EXOC4: variants seen among roughly 807,000 people sequenced by gnomAD.
EXOC4 encodes the protein exocyst complex component 4.
In EXOC4, 71 loss-of-function variants were observed where a neutral mutation model predicts 107.2. The observed-to-expected ratio is 0.66, with a 90% CI of 0.55 to 0.81. The LOEUF (loss-of-function observed/expected upper bound fraction) is 0.81, where lower values mean the gene tolerates loss of function less well. EXOC4 is among the 30% of genes least tolerant of loss of function. The pLI is 0.00. For missense variants in EXOC4, 1,108 were observed against 1,189.6 expected, an observed-to-expected ratio of 0.93 and a Z score of 1.01; for synonymous variants, 456 against 441.2, an observed-to-expected ratio of 1.03 and a Z score of -0.42.
the EXOC4 span, among the ~76,000 whole-genome samples, chr7:134,094,317 A>C: frequency 6.6e-6 from 1 of 152,218 alleles, no homozygotes; most frequent in African/African-American, 2.4e-5. Context: ...ATCTGAAGGA[A>C]ATGCATAAAT....
chr7:133,949,802 AT>A (rs752083162), intron 14 of EXOC4, among the ~76,000 whole-genome samples: 6 of 152,180 alleles, frequency 3.9e-5, no homozygotes, highest in Non-Finnish European at 8.8e-5. Context: ...CTTCTTCAGA[AT>A]TGGATTTTAT....
chr7:133,923,326 A>G (rs1799981107), intron 13 of EXOC4, among the ~76,000 whole-genome samples: 1 of 151,894 alleles, frequency 6.6e-6, no homozygotes, highest in South Asian at 2.1e-4. Flanking sequence ...ACAGGGTTTC[A>G]CCATATTGGC....
chr7:133,846,162 G>T (rs1444929107), intron 11 of EXOC4, among the ~76,000 whole-genome samples: 1 of 152,172 alleles, frequency 6.6e-6, no homozygotes, highest in African/African-American at 2.4e-5. Flanking sequence ...AAAAGATCCT[G>T]CAAGAAGCAA....
chr7:133,862,568 T>C lies in EXOC4; in HGVS notation c.1735-33031T>C, dbSNP rs559896020. ...TTTGGGGTTTGATTGATTGATTGAC[T>C]GACTAAAGTACTAGTTACAACAGAA... On this transcript the variant is annotated intron_variant, in intron 11 of 17. Coordinates refer to ENST00000253861, the MANE Select transcript of EXOC4 (RefSeq NM_021807.4). Among the ~76,000 whole-genome samples the C allele has an allele frequency of 6.5e-4, 99 of 152,260 alleles. No homozygotes were observed. The South Asian group carries it at 9.3e-3, about 14-fold the overall frequency.
chr7:133,714,563 G>T (rs551804088), intron 10 of EXOC4, among the ~76,000 whole-genome samples: 2 of 152,200 alleles, frequency 1.3e-5, no homozygotes, highest in East Asian at 1.9e-4. Flanking sequence ...CCATATTCCT[G>T]GGTTTTGCAT....
At chr7:133,622,109 G>A (rs11766492) in intron 9 of EXOC4, among the ~76,000 whole-genome samples, 59,736 of 151,864 alleles carry the variant, frequency 0.39, 12,111 homozygotes, top group South Asian at 0.52. Context: ...CAAGTACCTG[G>A]AACTACAGTT....
chr7:134,043,351 A>T (rs1795568379), intron 17 of EXOC4, among the ~76,000 whole-genome samples: 1 of 152,162 alleles, frequency 6.6e-6, no homozygotes, highest in African/African-American at 2.4e-5. Context: ...TTTTTCCCCC[A>T]AGCAACTATT....
chr7:133,484,071 A>T, intron 9 of EXOC4: 1 of 1,614,016 alleles, frequency 6.2e-7, no homozygotes, highest in Non-Finnish European at 8.5e-7. Flanking sequence ...CAGAAAGACA[A>T]TCAAAGTAAC....
intron 7 of EXOC4, among the ~76,000 whole-genome samples, chr7:133,455,652 C>G (rs1798446833): frequency 6.6e-6 from 1 of 152,126 alleles, no homozygotes; most frequent in Non-Finnish European, 1.5e-5. Flanking sequence ...GTAGGATGAA[C>G]CAATATCATG....
At chr7:133,460,717 A>G (rs1205687958) in intron 7 of EXOC4, among the ~76,000 whole-genome samples, 3 of 152,168 alleles carry the variant, frequency 2.0e-5, no homozygotes, top group South Asian at 2.1e-4. Context: ...CATCACCTTC[A>G]GACAGAAGAA....
At chr7:134,005,508 A>C (rs1188215573) in intron 16 of EXOC4, among the ~76,000 whole-genome samples, 6 of 152,216 alleles carry the variant, frequency 3.9e-5, no homozygotes, top group Non-Finnish European at 8.8e-5. Flanking sequence ...TGTTATAATC[A>C]TCTGGAAAGA....
At chr7:133,529,711 G>A (rs1800145915) in intron 9 of EXOC4, among the ~76,000 whole-genome samples, 1 of 152,064 alleles carries the variant, frequency 6.6e-6, no homozygotes. Context: ...TTTTTATGTG[G>A]CATCGTTGTC....
At position 133,401,705 on chromosome 7, in the gene EXOC4, G is replaced by T. The variant is rs536403228; in HGVS notation, c.1182+26703G>T. 1.9e-4 allele frequency among the ~76,000 whole-genome samples: 29 copies of T among 150,242 alleles called. No individual in the cohort carries two copies. In the South Asian group the frequency reaches 5.9e-3, roughly 31 times the overall value. ...TCATCACTCTGAATCTTTTCATTGA[G>T]AATTTTTTTTAATAGCCTAAGATGC... is the stretch of plus-strand genomic sequence containing the variant. On this transcript the variant is annotated intron_variant, in intron 7 of 17. Transcript: ENST00000253861.
intron 11 of EXOC4, chr7:133,895,290 C>A: frequency 4.8e-6 from 1 of 208,394 alleles, no homozygotes; most frequent in Non-Finnish European, 9.7e-6. Context: ...CTTCGGCTCG[C>A]GCACGGTGCG....
rs143112147 is a variant in EXOC4, at chr7:133,596,910, C to A, written c.1418-33135C>A. 1.9e-3 allele frequency among the ~76,000 whole-genome samples: 282 copies of A among 152,268 alleles called. 1 individual carries two copies. Among genetic ancestry groups the A allele is most frequent in the African/African-American group, 6.3e-3 (260 of 41,554 alleles). ...CTATTTATGGCCAAGGACTTCGGGTCGGCCTCCCATGAAGCATCCAGCTAT... is the reference window on the plus strand; with the variant it reads ...CTATTTATGGCCAAGGACTTCGGGTAGGCCTCCCATGAAGCATCCAGCTAT... On this transcript the variant is annotated intron_variant, in intron 9 of 17. Transcript: ENST00000253861.
intron 17 of EXOC4, among the ~76,000 whole-genome samples, chr7:134,012,806 G>A (rs917869733): frequency 5.3e-5 from 8 of 152,180 alleles, no homozygotes; most frequent in African/African-American, 1.7e-4. Context: ...GAGTGCTAGC[G>A]AAGAACCAGC....
At chr7:133,720,170 T>G (rs1795079141) in intron 10 of EXOC4, among the ~76,000 whole-genome samples, 2 of 152,190 alleles carry the variant, frequency 1.3e-5, no homozygotes, top group Admixed American at 1.3e-4. Flanking sequence ...AGCGTGGGGT[T>G]CTGGGAGAGT....
intron 12 of EXOC4, among the ~76,000 whole-genome samples, chr7:133,910,046 C>T (rs1208734605): frequency 6.6e-6 from 1 of 151,174 alleles, no homozygotes; most frequent in Non-Finnish European, 1.5e-5. Context: ...GCCTCAACCT[C>T]CCAAGTAACT....
intron 13 of EXOC4, among the ~76,000 whole-genome samples, chr7:133,928,338 G>A (rs894979426): frequency 9.9e-5 from 15 of 152,134 alleles, no homozygotes; most frequent in African/African-American, 3.6e-4. Context: ...AAGGGCAAGC[G>A]GTGAGACGCT....
Sources: allele counts gnomAD v4.1 joint callset (sites outside exome capture counted in the v4.1 genomes callset), GRCh38; gene constraint gnomAD v4.1.1; transcripts MANE v1.5; gene names NCBI Gene and HGNC (gene_info 2026-07-23, HGNC 2026-07-21).